DMD: variants seen among roughly 807,000 people sequenced by gnomAD.
DMD encodes the protein dystrophin.
Under a neutral mutation model 330.1 loss-of-function variants are expected in DMD, and 63 were observed. The observed-to-expected ratio is 0.19, with a 90% CI of 0.16 to 0.24. DMD has a LOEUF of 0.24. Among genes scored for constraint, DMD ranks in the 10% least tolerant of loss-of-function variants. DMD has a pLI of 1.00. For synonymous variants in DMD, 1,223 were observed against 959.8 expected, an observed-to-expected ratio of 1.27 and a Z score of -5.07; for missense variants, 3,344 against 2,684.1, an observed-to-expected ratio of 1.25 and a Z score of -5.43.
intron 2 of DMD, among the ~76,000 whole-genome samples, chrX:32,965,376 A>G (rs977408461): frequency 9.2e-5 from 10 of 108,833 alleles, no homozygotes; most frequent in African/African-American, 3.3e-4. Flanking sequence ...TGCCTGTAGT[A>G]GCAGCTACTC....
intron 1 of DMD, among the ~76,000 whole-genome samples, chrX:33,130,803 G>A (rs1314107825): frequency 5.4e-5 from 6 of 111,000 alleles, no homozygotes; most frequent in Non-Finnish European, 7.5e-5. Context: ...CGCCTGCCTC[G>A]GCCTCCCAAA....
intron 1 of DMD, among the ~76,000 whole-genome samples, chrX:33,020,412 G>A (rs1262382612): frequency 8.9e-6 from 1 of 111,944 alleles, no homozygotes; most frequent in Non-Finnish European, 1.9e-5. Context: ...GGTGGCTCAC[G>A]CCTGTGATCC....
intron 2 of DMD, among the ~76,000 whole-genome samples, chrX:32,908,289 A>T (rs2086895393): frequency 8.9e-6 from 1 of 112,022 alleles, no homozygotes; most frequent in South Asian, 3.7e-4. Flanking sequence ...GCACAGCTGC[A>T]TATTATATTT....
At chrX:31,617,942 A>C (rs1269313365) in intron 55 of DMD, among the ~76,000 whole-genome samples, 1 of 111,761 alleles carries the variant, frequency 8.9e-6, no homozygotes, top group Admixed American at 9.6e-5. Context: ...ATGGAGCTGG[A>C]GGCCATTATC....
rs1456010587 is a variant in DMD at position 31,696,833 on chromosome X, T to C, written c.7661-17247A>G. On this transcript the variant is annotated intron_variant, in intron 52 of 78. Transcript: ENST00000357033. ...ACAAAGAACATTTCAGAAATTCTTA[T>C]TGGACAGTGAACTGGACTAGATTCA... is the stretch of plus-strand genomic sequence containing the variant. 3.6e-5 allele frequency among the ~76,000 whole-genome samples: 4 copies of C among 112,046 alleles called. No homozygotes were observed. The South Asian group carries it at 1.1e-3, about 31-fold the overall frequency.
At chrX:31,398,979 G>A (rs191588347) in intron 60 of DMD, among the ~76,000 whole-genome samples, 1 of 109,521 alleles carries the variant, frequency 9.1e-6, no homozygotes, top group African/African-American at 3.4e-5. Context: ...AGTGAACACC[G>A]TACGGGCCCT....
intron 55 of DMD, among the ~76,000 whole-genome samples, chrX:31,615,727 C>T (rs1186319443): frequency 3.6e-5 from 4 of 111,652 alleles, no homozygotes; most frequent in Admixed American, 1.9e-4. Flanking sequence ...CTCACAGTAA[C>T]CAATATTTCA....
At chrX:31,237,060 G>T (rs12859097) in intron 63 of DMD, among the ~76,000 whole-genome samples, 7,307 of 111,516 alleles carry the variant, frequency 0.066, 235 homozygotes, top group African/African-American at 0.11. Context: ...ATGCCAAAAT[G>T]AACCACAGTA....
intron 57 of DMD, among the ~76,000 whole-genome samples, chrX:31,489,624 G>A (rs189166418): frequency 1.5e-3 from 172 of 112,026 alleles, no homozygotes; most frequent in African/African-American, 5.2e-3. Context: ...GACTCATTTT[G>A]TTCCCTAACA....
intron 43 of DMD, among the ~76,000 whole-genome samples, chrX:32,228,304 G>C (rs1289099932): frequency 1.8e-5 from 2 of 111,309 alleles, no homozygotes; most frequent in East Asian, 2.8e-4. Context: ...TGTTCCAGCA[G>C]ACAACTGACA....
At chrX:31,899,795 A>G (rs756979244) in intron 47 of DMD, among the ~76,000 whole-genome samples, 6 of 111,423 alleles carry the variant, frequency 5.4e-5, no homozygotes, top group South Asian at 3.8e-4. Context: ...ATCTAATTCC[A>G]TAAGTTTGTA....
At chrX:32,235,443 A>G (rs2097184092) in intron 43 of DMD, among the ~76,000 whole-genome samples, 1 of 111,495 alleles carries the variant, frequency 9.0e-6, no homozygotes, top group Non-Finnish European at 1.9e-5. Flanking sequence ...CTGCTTTGCG[A>G]ATCGGGTCCC....
intron 77 of DMD, among the ~76,000 whole-genome samples, chrX:31,129,265 C>T (rs760326049): frequency 8.9e-6 from 1 of 111,957 alleles, no homozygotes; most frequent in African/African-American, 3.2e-5. Flanking sequence ...ATTTAAAATA[C>T]TTAAGGAAGA....
intron 12 of DMD, among the ~76,000 whole-genome samples, chrX:32,607,795 T>A (rs991450185): frequency 3.6e-5 from 4 of 110,687 alleles, no homozygotes; most frequent in African/African-American, 1.3e-4. Flanking sequence ...TTATAATTAG[T>A]TTATCTACAT....
At chrX:31,865,554 A>G (rs1020841218) in intron 48 of DMD, among the ~76,000 whole-genome samples, 1 of 99,907 alleles carries the variant, frequency 1.0e-5, no homozygotes, top group Admixed American at 1.1e-4. Flanking sequence ...TATCCATTCT[A>G]AAGTGAATTT....
At chrX:33,106,559 T>G (rs2095289591) in intron 1 of DMD, among the ~76,000 whole-genome samples, 1 of 112,414 alleles carries the variant, frequency 8.9e-6, no homozygotes, top group African/African-American at 3.2e-5. Context: ...ACTAATTTAA[T>G]TACTAGTAAT....
intron 9 of DMD, among the ~76,000 whole-genome samples, chrX:32,653,110 C>T (rs750232219): frequency 9.0e-6 from 1 of 111,661 alleles, no homozygotes; most frequent in Admixed American, 9.5e-5. Flanking sequence ...CTGTAGGTTG[C>T]CTGTTCACTA....
rs181454962 is a variant in DMD at position 31,753,622 on chromosome X, T to A, written c.7542+20338A>T. 1.6e-3 allele frequency among the ~76,000 whole-genome samples: 184 copies of A among 112,200 alleles called. 2 individuals carry two copies. The highest frequency in any genetic ancestry group is 5.3e-3 in the African/African-American group (164 of 31,025). ...CAGAGATATATTAATTCTCATGTTC[T>A]AATTCTCCTGACATGAACCATATAT... On this transcript the variant is annotated intron_variant, in intron 51 of 78. Coordinates refer to ENST00000357033, the MANE Select transcript of DMD (RefSeq NM_004006.3).
intron 44 of DMD, among the ~76,000 whole-genome samples, chrX:32,188,074 C>A (rs897311336): frequency 9.0e-6 from 1 of 110,641 alleles, no homozygotes; most frequent in African/African-American, 3.3e-5. Flanking sequence ...GGCGTAACAT[C>A]TATATTATGT....
Sources: allele counts gnomAD v4.1 joint callset (sites outside exome capture counted in the v4.1 genomes callset), GRCh38; gene constraint gnomAD v4.1.1; transcripts MANE v1.5; gene names NCBI Gene and HGNC (gene_info 2026-07-23, HGNC 2026-07-21).